Variants in PTPRT observed in about 807,000 individuals in gnomAD.
PTPRT encodes the protein receptor-type tyrosine-protein phosphatase T.
Under a neutral mutation model 176.8 loss-of-function variants are expected in PTPRT, and 56 were observed. The observed-to-expected ratio is 0.32, with a 90% CI of 0.26 to 0.40. PTPRT has a LOEUF of 0.40. Ranked by LOEUF, PTPRT falls within the 10% of genes least tolerant of loss-of-function variation. The pLI is 1.00. For synonymous variants in PTPRT, 783 were observed against 739.0 expected, an observed-to-expected ratio of 1.06 and a Z score of -0.96; for missense variants, 1,540 against 1,908.2, an observed-to-expected ratio of 0.81 and a Z score of 3.60.
In PTPRT at chr20:42,742,580, T is replaced by TAATAGG. The variant is rs538362485; in HGVS notation, c.859+13876_859+13881dup. On this transcript the variant is annotated intron_variant, in intron 6 of 30. Transcript: ENST00000373187. ...AGGGGGCTTGCATAGGGGAGTTTTT[T>TAATAGG]AATAGGTCTGGCCCAAAAGGAGTGT... Among the ~76,000 whole-genome samples the TAATAGG allele has an allele frequency of 3.9e-4, 59 of 152,210 alleles. No individual in the cohort carries two copies. In the South Asian group the frequency reaches 4.4e-3, roughly 11 times the overall value.
chr20:42,848,933 T>G (rs2078424504), intron 2 of PTPRT, among the ~76,000 whole-genome samples: 1 of 152,228 alleles, frequency 6.6e-6, no homozygotes, highest in Non-Finnish European at 1.5e-5. Context: ...CTTCTAGAAT[T>G]TTTATGGTTT....
chr20:42,283,173 G>A (rs569356517), intron 12 of PTPRT, among the ~76,000 whole-genome samples: 5 of 152,262 alleles, frequency 3.3e-5, no homozygotes, highest in African/African-American at 1.2e-4. Flanking sequence ...AATGTGTGAT[G>A]TTGCTGGGCA....
At chr20:42,934,476 T>G (rs764616758) in intron 1 of PTPRT, among the ~76,000 whole-genome samples, 2 of 152,138 alleles carry the variant, frequency 1.3e-5, no homozygotes, top group Non-Finnish European at 2.9e-5. Flanking sequence ...CTCAGCTGGG[T>G]CCTCTCTGTC....
At chr20:42,622,333 C>A (rs923256533) in intron 7 of PTPRT, among the ~76,000 whole-genome samples, 4 of 152,068 alleles carry the variant, frequency 2.6e-5, no homozygotes, top group Non-Finnish European at 5.9e-5. Context: ...GCTCCACCTC[C>A]TGGGTTCATG....
intron 1 of PTPRT, among the ~76,000 whole-genome samples, chr20:43,180,357 C>CTCTCTCTCTCTCTG (rs1434673521): frequency 6.6e-6 from 1 of 151,080 alleles, no homozygotes; most frequent in Non-Finnish European, 1.5e-5. Context: ...CTCTCTCTCT[C>CTCTCTCTCTCTCTG]TCTCTCTCTC....
intron 16 of PTPRT, among the ~76,000 whole-genome samples, chr20:42,174,303 T>A (rs1212908284): frequency 6.6e-6 from 1 of 151,230 alleles, no homozygotes; most frequent in Non-Finnish European, 1.5e-5. Flanking sequence ...ATGAAGGGAG[T>A]GATAAGGGTG....
At chr20:42,405,011 A>G (rs913108623) in intron 9 of PTPRT, among the ~76,000 whole-genome samples, 1 of 52,604 alleles carries the variant, frequency 1.9e-5, no homozygotes, top group Non-Finnish European at 4.3e-5. Context: ...AATATATAAC[A>G]TATCATATAG....
intron 12 of PTPRT, among the ~76,000 whole-genome samples, chr20:42,313,101 C>G (rs562586437): frequency 6.6e-6 from 1 of 152,076 alleles, no homozygotes; most frequent in Non-Finnish European, 1.5e-5. Flanking sequence ...ACTAAGATGG[C>G]CATGAGAGTG....
intron 17 of PTPRT, among the ~76,000 whole-genome samples, chr20:42,155,041 T>G (rs1243507405): frequency 6.6e-6 from 1 of 152,188 alleles, no homozygotes; most frequent in Non-Finnish European, 1.5e-5. Flanking sequence ...TCCATGGGTT[T>G]TCTTAGTGGT....
At chr20:42,838,056 C>A (rs532647009) in intron 2 of PTPRT, among the ~76,000 whole-genome samples, 3 of 152,124 alleles carry the variant, frequency 2.0e-5, no homozygotes, top group Non-Finnish European at 4.4e-5. Context: ...GACGGAGTTT[C>A]GCTCTTGTTG....
At chr20:42,569,359 C>T (rs1046405511) in intron 7 of PTPRT, among the ~76,000 whole-genome samples, 4 of 151,852 alleles carry the variant, frequency 2.6e-5, no homozygotes, top group African/African-American at 9.7e-5. Flanking sequence ...TATTCTTCTT[C>T]GTATCTAAAG....
chr20:42,058,186 G>A, the PTPRT span, among the ~76,000 whole-genome samples: 1 of 152,168 alleles, frequency 6.6e-6, no homozygotes, highest in African/African-American at 2.4e-5. Context: ...AGCTCTGAGA[G>A]TTCACAGACT....
intron 9 of PTPRT, among the ~76,000 whole-genome samples, chr20:42,433,961 G>A (rs8123061): frequency 0.022 from 3,292 of 152,002 alleles, 121 homozygotes; most frequent in African/African-American, 0.072. Context: ...AACACATCCC[G>A]AATAAAGTGA....
chr20:42,620,615 C>T (rs542571598), intron 7 of PTPRT, among the ~76,000 whole-genome samples: 6 of 152,252 alleles, frequency 3.9e-5, no homozygotes, highest in Admixed American at 1.3e-4. Context: ...TAGGACCCTC[C>T]GAGCCAGGTG....
chr20:43,049,631 T>C (rs1986972051), intron 1 of PTPRT, among the ~76,000 whole-genome samples: 1 of 152,224 alleles, frequency 6.6e-6, no homozygotes, highest in South Asian at 2.1e-4. Flanking sequence ...GCAGACTGGC[T>C]TTGTGTTTAA....
intron 19 of PTPRT, among the ~76,000 whole-genome samples, chr20:42,126,604 G>A (rs1163467270): frequency 2.0e-5 from 3 of 152,250 alleles, no homozygotes; most frequent in Admixed American, 6.5e-5. Context: ...GCCTTCACTG[G>A]CTACTTCCCT....
At chr20:43,066,699 G>A (rs1244696570) in intron 1 of PTPRT, among the ~76,000 whole-genome samples, 1 of 152,164 alleles carries the variant, frequency 6.6e-6, no homozygotes, top group East Asian at 1.9e-4. Context: ...GCACGGAGTG[G>A]TGGAAGGGTA....
At chr20:42,885,693 G>C in intron 2 of PTPRT, 114 bp downstream of exon 2, 1 of 1,368,850 alleles carries the variant, frequency 7.3e-7, no homozygotes, top group South Asian at 1.4e-5. Flanking sequence ...ACTACCTACA[G>C]AGCTATCGAT....
intron 9 of PTPRT, among the ~76,000 whole-genome samples, chr20:42,375,399 G>A (rs1419526348): frequency 6.6e-6 from 1 of 152,158 alleles, no homozygotes; most frequent in Non-Finnish European, 1.5e-5. Context: ...TGAGGCCTCT[G>A]GGGAAGTGAT....
Sources: allele counts gnomAD v4.1 joint callset (sites outside exome capture counted in the v4.1 genomes callset), GRCh38; gene constraint gnomAD v4.1.1; transcripts MANE v1.5; gene names NCBI Gene and HGNC (gene_info 2026-07-23, HGNC 2026-07-21).